Variants in ATF2 observed in about 807,000 individuals in gnomAD.
The protein encoded by ATF2 is cyclic AMP-dependent transcription factor ATF-2.
A neutral mutation model predicts 60.6 loss-of-function variants in ATF2; 24 were observed. That is an observed-to-expected ratio of 0.40 (90% CI 0.29 to 0.56). The LOEUF (loss-of-function observed/expected upper bound fraction) is 0.56, where lower values mean the gene tolerates loss of function less well. ATF2 is among the 20% of genes least tolerant of loss of function. The pLI is 0.54. For missense variants in ATF2, 433 were observed against 607.7 expected (o/e 0.71, Z 3.02); for synonymous variants, 206 against 215.4 (o/e 0.96, Z 0.38).
At chr2:175,094,810 ATG>A (rs1364199559) in intron 11 of ATF2, among the ~76,000 whole-genome samples, 1 of 152,132 alleles carries the variant, frequency 6.6e-6, no homozygotes, top group African/African-American at 2.4e-5. Flanking sequence ...GTGCGGTGGC[ATG>A]TGCTTGTGGT....
chr2:175,077,160 A>G (rs370792642), intron 13 of ATF2, among the ~76,000 whole-genome samples: 3 of 151,866 alleles, frequency 2.0e-5, no homozygotes, highest in South Asian at 4.2e-4. Context: ...GTATTCCATG[A>G]TGTATATGTG....
intron 2 of ATF2, among the ~76,000 whole-genome samples, chr2:175,150,791 T>A (rs1699263486): frequency 6.6e-6 from 1 of 152,190 alleles, no homozygotes; most frequent in Non-Finnish European, 1.5e-5. Context: ...CCTAGTCAGA[T>A]AAATTTAGGA....
intron 1 of ATF2, among the ~76,000 whole-genome samples, chr2:175,160,531 A>G (rs909233058): frequency 1.3e-5 from 2 of 152,252 alleles, no homozygotes; most frequent in African/African-American, 2.4e-5. Context: ...CAACATCCAT[A>G]TATCAACAAT....
intron 1 of ATF2, among the ~76,000 whole-genome samples, chr2:175,152,699 C>T (rs1218378105): frequency 6.6e-6 from 1 of 152,138 alleles, no homozygotes; most frequent in African/African-American, 2.4e-5. Context: ...ATGTTTAAAA[C>T]ACTGTTGTAT....
At chr2:175,125,558 C>T (rs1485894697) in intron 4 of ATF2, among the ~76,000 whole-genome samples, 1 of 151,932 alleles carries the variant, frequency 6.6e-6, no homozygotes, top group Non-Finnish European at 1.5e-5. Context: ...AACTTAGAAA[C>T]GTGTAAACAT....
intron 1 of ATF2, among the ~76,000 whole-genome samples, chr2:175,159,641 A>G (rs1699898150): frequency 6.6e-6 from 1 of 152,232 alleles, no homozygotes; most frequent in Non-Finnish European, 1.5e-5. Flanking sequence ...AATCAGTTCA[A>G]TATCTCAAAA....
chr2:175,117,050 C>T (rs1696623656), intron 7 of ATF2, among the ~76,000 whole-genome samples: 1 of 151,788 alleles, frequency 6.6e-6, no homozygotes, highest in Admixed American at 6.6e-5. Flanking sequence ...ATCTATCCTT[C>T]TATTTAACTA....
At chr2:175,144,978 G>C (rs1698847468) in intron 2 of ATF2, among the ~76,000 whole-genome samples, 1 of 152,186 alleles carries the variant, frequency 6.6e-6, no homozygotes, top group Non-Finnish European at 1.5e-5. Flanking sequence ...GGATGTGCTA[G>C]GTAAGAGTGA....
chr2:175,076,740 C>T (rs1574299329), intron 13 of ATF2, among the ~76,000 whole-genome samples: 1 of 150,156 alleles, frequency 6.7e-6, no homozygotes, highest in Non-Finnish European at 1.5e-5. Context: ...TGTTTCACCA[C>T]TATTCTTTTT....
intron 13 of ATF2, among the ~76,000 whole-genome samples, chr2:175,075,369 G>A (rs929426226): frequency 8.5e-5 from 13 of 152,188 alleles, no homozygotes; most frequent in Middle Eastern, 3.4e-3. Context: ...TGATTCTAAT[G>A]ATGCATACAT....
At chr2:175,154,229 A>AT (rs1362418326) in intron 1 of ATF2, among the ~76,000 whole-genome samples, 1 of 145,406 alleles carries the variant, frequency 6.9e-6, no homozygotes, top group Non-Finnish European at 1.5e-5. Flanking sequence ...AGAAAAGAAA[A>AT]AAAAAATATA....
At position 175,082,823 on chromosome 2, in the gene ATF2, TC is replaced by T. The variant is rs555679891; in HGVS notation, c.1186-2059del. On this transcript the variant is annotated intron_variant, in intron 12 of 13. Transcript: ENST00000264110. ...ACATACCGTTGTCTTTATCCCCTCT[TC>T]TTTGTCTTGCTAAATATTTTATTTA... Among the ~76,000 whole-genome samples, 496 of 152,342 alleles carry T rather than the reference TC, an allele frequency of 3.3e-3. 1 individual carries two copies. Among genetic ancestry groups the T allele is most frequent in the Non-Finnish European group, 5.4e-3 (365 of 68,028 alleles).
chr2:175,108,559 G>C (rs1695918215), intron 10 of ATF2, among the ~76,000 whole-genome samples: 1 of 151,298 alleles, frequency 6.6e-6, no homozygotes, highest in Non-Finnish European at 1.5e-5. Flanking sequence ...AGGGAGGTGG[G>C]GGGCGCCTCC....
At chr2:175,147,599 T>C (rs765964708) in intron 2 of ATF2, among the ~76,000 whole-genome samples, 3 of 152,236 alleles carry the variant, frequency 2.0e-5, no homozygotes, top group Non-Finnish European at 4.4e-5. Context: ...ATTTACTTTA[T>C]AAAAGTTATT....
At chr2:175,082,938 AG>A (rs34669913) in intron 12 of ATF2, among the ~76,000 whole-genome samples, 5 of 152,008 alleles carry the variant, frequency 3.3e-5, no homozygotes, top group Admixed American at 2.0e-4. Context: ...CCAACTTACA[AG>A]GGACGTGAAG....
At chr2:175,111,546 G>A (rs1696193058) in intron 10 of ATF2, 22 bp downstream of exon 10, 7 of 1,589,940 alleles carry the variant, frequency 4.4e-6, no homozygotes, top group African/African-American at 2.7e-5. Context: ...GCAATGTACA[G>A]AACAAATAAA....
At chr2:175,126,800 G>T (rs988770929) in intron 4 of ATF2, 1 of 152,106 alleles carries the variant, frequency 6.6e-6, no homozygotes, top group Admixed American at 6.5e-5. Context: ...TTTGTCCAAA[G>T]GCTGGCCCTA....
chr2:175,121,769 C>T (rs1399209871), intron 4 of ATF2, among the ~76,000 whole-genome samples: 1 of 151,210 alleles, frequency 6.6e-6, no homozygotes, highest in African/African-American at 2.4e-5. Flanking sequence ...TGCTAGGTCA[C>T]ATAACTCATT....
chr2:175,140,707 C>T (rs1698442770), intron 2 of ATF2, among the ~76,000 whole-genome samples: 1 of 151,226 alleles, frequency 6.6e-6, no homozygotes, highest in South Asian at 2.1e-4. Flanking sequence ...ATAAATCCTG[C>T]CCAAGGTGCA....
Sources: gnomAD v4.1 joint callset for allele counts (sites outside exome capture counted in the v4.1 genomes callset) on GRCh38, gnomAD v4.1.1 for gene constraint, MANE v1.5 for transcripts, NCBI Gene and HGNC (gene_info 2026-07-23, HGNC 2026-07-21) for gene names.